TTC4: variants seen among roughly 807,000 people sequenced by gnomAD.
The protein encoded by TTC4 is hsp70/Hsp90 co-chaperone CNS1 homolog.
Under a neutral mutation model 51.9 loss-of-function variants are expected in TTC4, and 36 were observed. The ratio of observed to expected loss-of-function variants is 0.69; its 90% CI spans 0.53 to 0.92. The LOEUF is 0.92. Among genes scored for constraint, TTC4 ranks in the 40% least tolerant of loss-of-function variants. TTC4 has a pLI of 0.00. For missense variants in TTC4, 399 were observed against 454.6 expected, an observed-to-expected ratio of 0.88 and a Z score of 1.11; for synonymous variants, 144 against 164.2, an observed-to-expected ratio of 0.88 and a Z score of 0.94.
intron 7 of TTC4, among the ~76,000 whole-genome samples, chr1:54,732,778 T>C (rs78542440): frequency 0.12 from 17,981 of 151,534 alleles, 1,767 homozygotes; most frequent in African/African-American, 0.26. Context: ...TTTTTAACCT[T>C]GAAGCTGTTT....
intron 2 of TTC4, 120 bp from the exon 3 acceptor site, chr1:54,717,372 T>C (rs2101289044): frequency 1.1e-6 from 1 of 870,986 alleles, no homozygotes; most frequent in Non-Finnish European, 1.6e-6. Flanking sequence ...GAGTTTCCTT[T>C]CCCTATTGGT....
intron 8 of TTC4, among the ~76,000 whole-genome samples, chr1:54,735,123 A>C (rs1210940039): frequency 6.6e-6 from 1 of 152,108 alleles, no homozygotes; most frequent in Non-Finnish European, 1.5e-5. Flanking sequence ...ACTCAACTGC[A>C]GGACACTTTG....
chr1:54,738,755 C>A (rs1464386864), intron 9 of TTC4, among the ~76,000 whole-genome samples: 1 of 151,758 alleles, frequency 6.6e-6, no homozygotes, highest in Admixed American at 6.6e-5. Context: ...CCTCACCCCC[C>A]AGGTTGAAGT....
chr1:54,732,405 G>T (rs1346523908), intron 7 of TTC4, among the ~76,000 whole-genome samples: 1 of 151,226 alleles, frequency 6.6e-6, no homozygotes, highest in Non-Finnish European at 1.5e-5. Flanking sequence ...GATTTCATAG[G>T]GTTAATGTGT....
chr1:54,719,999 A>G (rs1382551591), intron 3 of TTC4, among the ~76,000 whole-genome samples: 1 of 151,828 alleles, frequency 6.6e-6, no homozygotes, highest in Non-Finnish European at 1.5e-5. Flanking sequence ...CCTGGGCTCA[A>G]GCAATTCTCC....
At position 54,727,420 on chromosome 1, in the gene TTC4, A is replaced by G. The variant is rs1403745188; in HGVS notation, c.595-926A>G. 5.3e-5 allele frequency among the ~76,000 whole-genome samples: 8 copies of G among 152,234 alleles called. No homozygotes were observed. The South Asian group carries it at 6.2e-4, about 12-fold the overall frequency. ...ACAACTCTTAAAAGAAAACATAGAT[A>G]TGAATCTTCATGAACTTGGATATGA... On this transcript the variant is annotated intron_variant, in intron 5 of 9. Coordinates refer to ENST00000371281, the MANE Select transcript of TTC4 (RefSeq NM_004623.5).
At chr1:54,735,419 C>T (rs1645921820) in intron 8 of TTC4, among the ~76,000 whole-genome samples, 1 of 152,044 alleles carries the variant, frequency 6.6e-6, no homozygotes, top group South Asian at 2.1e-4. Context: ...TGGGGTTTTG[C>T]CGTGTTGGCC....
chr1:54,721,595 A>G (rs1166952529), intron 4 of TTC4, among the ~76,000 whole-genome samples: 1 of 152,170 alleles, frequency 6.6e-6, no homozygotes, highest in Non-Finnish European at 1.5e-5. Context: ...TTTGCTGATG[A>G]CTTTGGTGCT....
chr1:54,716,496 A>G (rs1645677785), intron 1 of TTC4, 104 bp from the exon 2 acceptor site: 2 of 834,394 alleles, frequency 2.4e-6, no homozygotes, highest in South Asian at 1.6e-5. Flanking sequence ...AGCTGTGATG[A>G]TTTGCAAATC....
chr1:54,737,782 G>A (rs769492149), intron 9 of TTC4, 118 bp downstream of exon 9: 32 of 1,046,176 alleles, frequency 3.1e-5, no homozygotes, highest in Non-Finnish European at 4.2e-5. Context: ...AAGAGGTTTA[G>A]TGGAGAACTC....
At chr1:54,716,752 C>A (rs1167969180) in intron 2 of TTC4, 35 bp downstream of exon 2, 1 of 1,540,958 alleles carries the variant, frequency 6.5e-7, no homozygotes, top group East Asian at 2.3e-5. Flanking sequence ...TTTTGTGTTT[C>A]CATTGAACTG....
rs890259078 is a variant in TTC4 at position 54,737,621 on chromosome 1, G to A, written c.1018G>A (p.Val340Met). The A allele has an allele frequency of 6.2e-7, 1 of 1,613,472 alleles. No individual in the cohort carries two copies. The highest frequency in any genetic ancestry group is 1.7e-5 in the Admixed American group (1 of 60,020). Residue 340 changes from valine (V) to methionine (M), a missense_variant, in exon 9 of 10, where the codon GTG (valine) becomes ATG (methionine). Physicochemically the swap from Val to Met is conservative, Grantham distance 21. Coordinates refer to ENST00000371281, the MANE Select transcript of TTC4 (RefSeq NM_004623.5). ...TGAGGACAGGGCAGAACTATACCGG[G>A]TGCCTGCCAAGAGCACCTTGCTACA... is the stretch of plus-strand genomic sequence containing the variant. ...EDEDRAELYR[V>M]PAKSTLLQVL... is the part of the protein sequence containing the mutation.
chr1:54,732,983 A>G (rs922646369), intron 7 of TTC4, among the ~76,000 whole-genome samples: 10 of 151,848 alleles, frequency 6.6e-5, no homozygotes, highest in African/African-American at 2.4e-4. Flanking sequence ...GCTGTCTGGG[A>G]GCCTGGGGCA....
chr1:54,731,770 A>G (rs1570054521), intron 7 of TTC4, 70 bp downstream of exon 7: 1 of 1,485,696 alleles, frequency 6.7e-7, no homozygotes, highest in Non-Finnish European at 9.2e-7. Flanking sequence ...AGGAGGGACG[A>G]GTGGATTTTT....
intron 5 of TTC4, among the ~76,000 whole-genome samples, chr1:54,725,916 T>C (rs1645793405): frequency 1.3e-5 from 2 of 152,140 alleles, no homozygotes; most frequent in Non-Finnish European, 2.9e-5. Context: ...TCAGTTGAGA[T>C]TATCCAGTCT....
chr1:54,733,569 C>T lies in TTC4; in HGVS notation c.897-60C>T, dbSNP rs137973317. On this transcript the variant is annotated intron_variant, in intron 7 of 9. Coordinates refer to ENST00000371281, the MANE Select transcript of TTC4 (RefSeq NM_004623.5). The stretch of plus-strand genomic sequence containing the variant: ...TAACTTTGAATTAGTGTCTGGGGAC[C>T]GATGTGGGAAAATAGATCATGAGTT... 6.1e-3 allele frequency: 8,271 copies of T among 1,354,394 alleles called. 50 individuals carry two copies. Among genetic ancestry groups the T allele is most frequent in the Non-Finnish European group, 7.3e-3 (7,082 of 974,166 alleles). 83.9% of individuals were successfully genotyped at this position (1,354,394 alleles called of 1,614,324 possible).
chr1:54,736,276 G>A (rs1645940605), intron 8 of TTC4, among the ~76,000 whole-genome samples: 1 of 89,168 alleles, frequency 1.1e-5, no homozygotes, highest in Non-Finnish European at 2.1e-5. Flanking sequence ...GAGAGACCAT[G>A]AAGTCTCATT....
intron 7 of TTC4, among the ~76,000 whole-genome samples, chr1:54,732,284 A>G (rs571384467): frequency 3.8e-4 from 55 of 143,926 alleles, no homozygotes; most frequent in Non-Finnish European, 7.1e-4. Context: ...TCATGCCACT[A>G]CACTCCAGCC....
chr1:54,723,023 A>C (rs181035026), intron 5 of TTC4, among the ~76,000 whole-genome samples: 4 of 152,370 alleles, frequency 2.6e-5, no homozygotes, highest in Admixed American at 6.5e-5. Context: ...CATGTGCCAC[A>C]TAACAGTGTT....
Sources: allele counts gnomAD v4.1 joint callset (sites outside exome capture counted in the v4.1 genomes callset), GRCh38; gene constraint gnomAD v4.1.1; transcripts MANE v1.5; gene names NCBI Gene and HGNC (gene_info 2026-07-23, HGNC 2026-07-21).